Variants in EVA1C observed in about 807,000 individuals in gnomAD.
EVA1C encodes eva-1 homolog C, also known as protein eva-1 homolog C.
Under a neutral mutation model 45.4 loss-of-function variants are expected in EVA1C, and 25 were observed. The ratio of observed to expected loss-of-function variants is 0.55; its 90% confidence interval spans 0.40 to 0.77. The LOEUF is 0.77. Ranked by LOEUF, EVA1C falls within the 30% of genes least tolerant of loss-of-function variation. The pLI is 0.00. For missense variants in EVA1C, 479 were observed against 554.8 expected (o/e 0.86, Z 1.37); for synonymous variants, 190 against 221.2 (o/e 0.86, Z 1.25).
At chr21:32,415,498 G>A (rs1275921908) in intron 1 of EVA1C, among the ~76,000 whole-genome samples, 1 of 152,140 alleles carries the variant, frequency 6.6e-6, no homozygotes, top group Non-Finnish European at 1.5e-5. Context: ...GTTTTGGAAA[G>A]TTCCTTAAGC....
intron 1 of EVA1C, among the ~76,000 whole-genome samples, chr21:32,421,020 G>A (rs1357282892): frequency 6.6e-6 from 1 of 152,210 alleles, no homozygotes; most frequent in Non-Finnish European, 1.5e-5. Context: ...TTTAAAGATA[G>A]TACCATCTAG....
chr21:32,442,913 G>C (rs1476166901), intron 1 of EVA1C, among the ~76,000 whole-genome samples: 3 of 150,926 alleles, frequency 2.0e-5, no homozygotes, highest in African/African-American at 7.3e-5. Context: ...AAAATGTACA[G>C]CTCTTTTGAC....
intron 1 of EVA1C, among the ~76,000 whole-genome samples, chr21:32,415,860 A>C (rs1031022991): frequency 6.6e-6 from 1 of 152,226 alleles, no homozygotes; most frequent in African/African-American, 2.4e-5. Flanking sequence ...CTGATCCTTA[A>C]TCTCATACTC....
chr21:32,482,305 T>C (rs191864912), intron 4 of EVA1C, among the ~76,000 whole-genome samples: 40 of 152,300 alleles, frequency 2.6e-4, no homozygotes, highest in Non-Finnish European at 4.6e-4. Flanking sequence ...CCTTCTGCAG[T>C]TGCCTCGTAC....
intron 4 of EVA1C, among the ~76,000 whole-genome samples, chr21:32,480,084 A>G (rs1334232321): frequency 6.6e-6 from 1 of 152,086 alleles, no homozygotes; most frequent in Non-Finnish European, 1.5e-5. Context: ...CTTGTTTGCA[A>G]ATGTTCAGCT....
intron 1 of EVA1C, among the ~76,000 whole-genome samples, chr21:32,436,044 T>TTTTG (rs887191693): frequency 1.8e-4 from 27 of 152,006 alleles, no homozygotes; most frequent in African/African-American, 4.8e-4. Flanking sequence ...TTCAGCTGTT[T>TTTTG]TTTGTTTGTT....
chr21:32,513,431 G>A (rs1214743750), intron 7 of EVA1C, among the ~76,000 whole-genome samples: 9 of 148,182 alleles, frequency 6.1e-5, no homozygotes, highest in Admixed American at 1.3e-4. Flanking sequence ...CTCCTGCCTC[G>A]GCCTCCCAAA....
chr21:32,478,636 T>G (rs2036667620), intron 4 of EVA1C, among the ~76,000 whole-genome samples: 1 of 152,210 alleles, frequency 6.6e-6, no homozygotes, highest in Non-Finnish European at 1.5e-5. Flanking sequence ...AAGGAAGACA[T>G]GAAAGTGACC....
At chr21:32,492,987 A>G (rs1477277248) in intron 4 of EVA1C, among the ~76,000 whole-genome samples, 1 of 152,086 alleles carries the variant, frequency 6.6e-6, no homozygotes, top group Non-Finnish European at 1.5e-5. Context: ...GTGTGCATGC[A>G]CAAGTGTGTG....
chr21:32,429,015 T>C lies in EVA1C; in HGVS notation c.160+16002T>C, dbSNP rs1276469811. The stretch of plus-strand genomic sequence containing the variant: ...GCTCAATCCTTCCTCAATTTATTTT[T>C]ATTTATTTATTTATTTATTTTTTGA... On this transcript the variant is annotated intron_variant, in intron 1 of 7. Coordinates refer to ENST00000300255, the MANE Select transcript of EVA1C (RefSeq NM_058187.5). Among the ~76,000 whole-genome samples, 7 of 146,652 alleles carry C rather than the reference T, an allele frequency of 4.8e-5. No homozygotes were observed. The South Asian group carries it at 8.3e-4, about 17-fold the overall frequency.
intron 4 of EVA1C, among the ~76,000 whole-genome samples, chr21:32,484,953 T>C (rs899417022): frequency 1.3e-5 from 2 of 152,152 alleles, no homozygotes; most frequent in African/African-American, 2.4e-5. Flanking sequence ...GATTTTTTTT[T>C]TTACTGCACA....
intron 1 of EVA1C, among the ~76,000 whole-genome samples, chr21:32,424,192 T>C (rs2833806): frequency 0.55 from 83,289 of 152,008 alleles, 24,886 homozygotes; most frequent in African/African-American, 0.78. Context: ...CCTACCAAGT[T>C]ATCTCCTTTC....
At chr21:32,451,570 T>G (rs1467432145) in intron 1 of EVA1C, among the ~76,000 whole-genome samples, 1 of 152,138 alleles carries the variant, frequency 6.6e-6, no homozygotes, top group Non-Finnish European at 1.5e-5. Flanking sequence ...TTTCCTAAGC[T>G]TGGGTGGCTG....
chr21:32,452,786 G>T lies in EVA1C; in HGVS notation c.161-526G>T. ...CTGCCCAGCAGCCAGACTCTCCTCC[G>T]ACCGCCCCCGACTGATTTCCACATC... On this transcript the variant is annotated intron_variant, in intron 1 of 7. Coordinates refer to ENST00000300255, the MANE Select transcript of EVA1C (RefSeq NM_058187.5). This position sits in a 1 kb window ranked among gnomAD's most constrained non-coding sequence, Gnocchi z 4.0. 1.3e-5 allele frequency: 2 copies of T among 152,422 alleles called. No homozygotes were observed. Among genetic ancestry groups the T allele is most frequent in the South Asian group, 4.1e-4 (2 of 4,884 alleles). 9.4% of individuals were successfully genotyped at this position (152,422 alleles called of 1,614,324 possible). A position where few individuals can be genotyped will look rare whatever the true frequency, so the allele number is the denominator to read the frequency against.
Position 32,503,965 on chromosome 21 carries a change from A to T in EVA1C, c.899A>T (p.Lys300Ile), listed in dbSNP as rs373467561. The change falls in exon 7 of 8, where the codon AAA (lysine) becomes ATA (isoleucine). Residue 300 changes from lysine to isoleucine, a missense_variant. Coordinates refer to ENST00000300255, the MANE Select transcript of EVA1C (RefSeq NM_058187.5). ...CCAAGCGGATCGAAGGTTCTGAGGA[A>T]AGATGGAATTCTTGTTAGCAACTCT... Reference protein sequence around the residue: ...FDPSGSKVLRKDGILVSNSLA... With the variant: ...FDPSGSKVLRIDGILVSNSLA... 6.2e-7 allele frequency: 1 copy of T among 1,611,668 alleles called. No individual in the cohort carries two copies. The highest frequency in any genetic ancestry group is 1.3e-5 in the African/African-American group (1 of 74,834).
chr21:32,470,297 C>A (rs1158741506), intron 4 of EVA1C, among the ~76,000 whole-genome samples: 1 of 152,230 alleles, frequency 6.6e-6, no homozygotes, highest in African/African-American at 2.4e-5. Flanking sequence ...GAACACGTGC[C>A]TCCCAAATGC....
At chr21:32,411,864 T>C (rs777587770), upstream of EVA1C, 10 of 152,238 alleles carry the variant, frequency 6.6e-5, no homozygotes, top group African/African-American at 9.7e-5. Context: ...TACCCTTGAG[T>C]TGGGGCTACG....
At chr21:32,471,926 C>A (rs2036392320) in intron 4 of EVA1C, among the ~76,000 whole-genome samples, 1 of 152,142 alleles carries the variant, frequency 6.6e-6, no homozygotes, top group South Asian at 2.1e-4. Flanking sequence ...CCGCACTCGG[C>A]CTCCATTTCT....
intron 7 of EVA1C, among the ~76,000 whole-genome samples, chr21:32,511,034 T>C (rs933746295): frequency 1.5e-5 from 2 of 131,054 alleles, no homozygotes; most frequent in Non-Finnish European, 3.1e-5. Context: ...AGGGAGACTC[T>C]CTCTCTCTCC....
Sources: allele counts gnomAD v4.1 joint callset (sites outside exome capture counted in the v4.1 genomes callset), GRCh38; gene constraint gnomAD v4.1.1; non-coding constraint Gnocchi (gnomAD v3.1); transcripts MANE v1.5; gene names NCBI Gene and HGNC (gene_info 2026-07-23, HGNC 2026-07-21).